Variants in SNX27 observed in about 807,000 individuals in gnomAD.
SNX27 encodes the protein sorting nexin-27.
A neutral mutation model predicts 71.6 loss-of-function variants in SNX27; 22 were observed. That is an observed-to-expected ratio of 0.31 (90% CI 0.22 to 0.44). The LOEUF is 0.44. Among genes scored for constraint, SNX27 ranks in the 20% least tolerant of loss-of-function variants. The probability of loss-of-function intolerance (pLI) is 1.00; values close to 1 mark genes in which losing one functional copy is unlikely to be tolerated. For missense variants in SNX27, 531 were observed against 698.6 expected (o/e 0.76, Z 2.70); for synonymous variants, 269 against 277.2 (o/e 0.97, Z 0.29).
chr1:151,681,166 G>A (rs1183528273), intron 7 of SNX27, among the ~76,000 whole-genome samples: 2 of 150,832 alleles, frequency 1.3e-5, no homozygotes, highest in Non-Finnish European at 2.9e-5. Flanking sequence ...CACAGTGAAA[G>A]GGTTTACATG....
intron 5 of SNX27, among the ~76,000 whole-genome samples, chr1:151,663,430 A>G (rs560654262): frequency 9.2e-5 from 14 of 152,164 alleles, no homozygotes; most frequent in Admixed American, 6.5e-4. Flanking sequence ...GATTACAGGC[A>G]TGAGCCACCA....
intron 1 of SNX27, among the ~76,000 whole-genome samples, chr1:151,620,706 T>G (rs542748538): frequency 3.9e-4 from 59 of 151,868 alleles, no homozygotes; most frequent in African/African-American, 1.4e-3. Context: ...TTTTTTTTTT[T>G]TGTGACAGAG....
chr1:151,640,350 C>T (rs915573237), intron 2 of SNX27, among the ~76,000 whole-genome samples: 1 of 152,088 alleles, frequency 6.6e-6, no homozygotes, highest in Non-Finnish European at 1.5e-5. Flanking sequence ...AATAATACTA[C>T]CAATTGTACC....
rs1374381250 is a variant in SNX27, at chr1:151,658,217, GTTC to G, written c.544-13_544-11del. On this transcript the variant is annotated splice_polypyrimidine_tract_variant and intron_variant, in intron 2 of 11. Transcript: ENST00000458013. ...TTTGTATTAAGTATGCTTTTCTTTTGTTCTTCTCCTTCACCAGGTATATAATGT... is the reference window on the plus strand; with the variant it reads ...TTTGTATTAAGTATGCTTTTCTTTTGTTCTCCTTCACCAGGTATATAATGT... The G allele has an allele frequency of 3.8e-6, 6 of 1,583,710 alleles. No individual in the cohort carries two copies. Among genetic ancestry groups the G allele is most frequent in the East Asian group, 2.2e-5 (1 of 44,516 alleles).
intron 1 of SNX27, among the ~76,000 whole-genome samples, chr1:151,621,807 G>C (rs139405129): frequency 0.022 from 3,301 of 152,296 alleles, 122 homozygotes; most frequent in African/African-American, 0.074. Flanking sequence ...TGGAAAGCAT[G>C]ATGGCCTCTG....
chr1:151,637,153 G>GTT lies in SNX27; in HGVS notation c.312-1728_312-1727dup, dbSNP rs200938062. Among the ~76,000 whole-genome samples the GTT allele has an allele frequency of 7.7e-3, 490 of 64,032 alleles. 49 individuals are homozygous for GTT. The highest frequency in any genetic ancestry group is 0.02 in the African/African-American group (412 of 20,238). The allele number at this position is 64,032 out of a possible 152,430, so 42.0% of individuals were successfully genotyped here. A position where few individuals can be genotyped will look rare whatever the true frequency, so the allele number is the denominator to read the frequency against. On this transcript the variant is annotated intron_variant, in intron 1 of 11. Transcript: ENST00000458013. ...CTGGTATATGATCAGAGTTGATCAC[G>GTT]TTTTTTTTGTTTTTTTGTTTTTTTT...
chr1:151,641,242 G>A (rs1425969751), intron 2 of SNX27, among the ~76,000 whole-genome samples: 1 of 151,996 alleles, frequency 6.6e-6, no homozygotes, highest in Non-Finnish European at 1.5e-5. Flanking sequence ...GGAATTGCAG[G>A]GTAAGTGTAA....
At chr1:151,622,744 A>G (rs59785768) in intron 1 of SNX27, among the ~76,000 whole-genome samples, 2,013 of 152,278 alleles carry the variant, frequency 0.013, 56 homozygotes, top group African/African-American at 0.044. Flanking sequence ...TGTAGGAGGA[A>G]AATGAGTTAC....
In SNX27 at chr1:151,612,455, T is replaced by G; in HGVS notation, c.254T>G (p.Leu85Arg). 1 of 1,430,602 alleles carries G rather than the reference T, an allele frequency of 7.0e-7. No homozygotes were observed. Among genetic ancestry groups the G allele is most frequent in the Non-Finnish European group, 9.1e-7 (1 of 1,093,108 alleles). 88.6% of individuals were successfully genotyped at this position (1,430,602 alleles called of 1,614,324 possible). ...YAPLQHVSAV[L>R]PGGAADRAGV... ...CCGCTGCAGCATGTGAGCGCCGTGCTGCCCGGGGGGGCGGCCGATCGGGCC... is the reference window on the plus strand; with the variant it reads ...CCGCTGCAGCATGTGAGCGCCGTGCGGCCCGGGGGGGCGGCCGATCGGGCC... The change falls in exon 1 of 12, where the codon CTG (leucine) becomes CGG (arginine). Residue 85 changes from leucine to arginine, a missense_variant. Leu to Arg is a moderately radical substitution (Grantham distance 102). Transcript: ENST00000458013. This position sits in a 1 kb window ranked among gnomAD's most constrained non-coding sequence, Gnocchi z 5.2.
At chr1:151,655,950 C>T (rs1477489659) in intron 2 of SNX27, among the ~76,000 whole-genome samples, 1 of 152,090 alleles carries the variant, frequency 6.6e-6, no homozygotes, top group East Asian at 1.9e-4. Flanking sequence ...CTTGGCCGGA[C>T]ACGGGTCTCA....
At chr1:151,627,592 T>C (rs1310649450) in intron 1 of SNX27, among the ~76,000 whole-genome samples, 1 of 152,194 alleles carries the variant, frequency 6.6e-6, no homozygotes, top group Admixed American at 6.5e-5. Flanking sequence ...TGGTGTTTTT[T>C]GTTTTTGTTT....
chr1:151,640,996 T>G (rs1451719963), intron 2 of SNX27, among the ~76,000 whole-genome samples: 1 of 151,918 alleles, frequency 6.6e-6, no homozygotes, highest in Admixed American at 6.5e-5. Context: ...GTTAGTATAG[T>G]GCTTAAGATT....
chr1:151,634,155 A>G (rs749687531), intron 1 of SNX27, among the ~76,000 whole-genome samples: 1 of 152,194 alleles, frequency 6.6e-6, no homozygotes, highest in Non-Finnish European at 1.5e-5. Flanking sequence ...TATTTTAGCC[A>G]TTCTTATAGA....
At chr1:151,618,153 C>G (rs1374910217) in intron 1 of SNX27, among the ~76,000 whole-genome samples, 1 of 151,706 alleles carries the variant, frequency 6.6e-6, no homozygotes, top group East Asian at 1.9e-4. Flanking sequence ...GGCTTGAGCA[C>G]CTGGCTGCTT....
At chr1:151,621,889 G>A (rs1300355064) in intron 1 of SNX27, among the ~76,000 whole-genome samples, 4 of 152,110 alleles carry the variant, frequency 2.6e-5, no homozygotes, top group African/African-American at 9.7e-5. Flanking sequence ...TCCTGCCTCT[G>A]TCTTTACTTG....
chr1:151,686,438 T>C (rs1189998184), intron 8 of SNX27, among the ~76,000 whole-genome samples: 1 of 152,248 alleles, frequency 6.6e-6, no homozygotes, highest in Non-Finnish European at 1.5e-5. Context: ...TCAAGTATAG[T>C]TGATAGACAG....
Position 151,694,414 on chromosome 1 carries a change from C to G in SNX27, c.1623C>G (p.Thr541=). The change falls in exon 12 of 12, where the codon ACC becomes ACG. Residue 541 remains threonine (T), a synonymous_variant. Transcript: ENST00000458013. The part of the protein sequence containing the change: ...MARSQQRDVA[T] ...GGTCACAGCAGAGAGATGTGGCCACCTAGCCTTTCCTTATCCCCTTCCCTT... is the reference window on the plus strand; with the variant it reads ...GGTCACAGCAGAGAGATGTGGCCACGTAGCCTTTCCTTATCCCCTTCCCTT... 5 of 1,550,358 alleles carry G rather than the reference C, an allele frequency of 3.2e-6. No homozygotes were observed. Among genetic ancestry groups the G allele is most frequent in the Non-Finnish European group, 4.4e-6 (5 of 1,146,868 alleles).
intron 1 of SNX27, among the ~76,000 whole-genome samples, chr1:151,616,381 C>G (rs1024368720): frequency 7.9e-5 from 12 of 152,192 alleles, no homozygotes; most frequent in Non-Finnish European, 4.4e-5. Flanking sequence ...TAAGCATGGA[C>G]CACTAAGATT....
chr1:151,685,807 T>C (rs1164860605), intron 8 of SNX27, among the ~76,000 whole-genome samples: 1 of 152,348 alleles, frequency 6.6e-6, no homozygotes, highest in Non-Finnish European at 1.5e-5. Flanking sequence ...CTCTATACCT[T>C]AGAAAATTGC....
Sources: allele counts gnomAD v4.1 joint callset (sites outside exome capture counted in the v4.1 genomes callset), GRCh38; gene constraint gnomAD v4.1.1; non-coding constraint Gnocchi (gnomAD v3.1); transcripts MANE v1.5; gene names NCBI Gene and HGNC (gene_info 2026-07-23, HGNC 2026-07-21).